CYP7B1: variants seen among roughly 807,000 people sequenced by gnomAD.
CYP7B1 encodes the protein cytochrome P450 family 7 subfamily B member 1, also known as cytochrome P450 7B1.
Under a neutral mutation model 42.7 loss-of-function variants are expected in CYP7B1, and 29 were observed. The ratio of observed to expected loss-of-function variants is 0.68; its 90% CI spans 0.51 to 0.93. The LOEUF (loss-of-function observed/expected upper bound fraction) is 0.93, where lower values mean the gene tolerates loss of function less well. CYP7B1 is among the 40% of genes least tolerant of loss of function. The pLI is 0.00. For synonymous variants in CYP7B1, 235 were observed against 218.2 expected (o/e 1.08, Z -0.68); for missense variants, 655 against 600.5 (o/e 1.09, Z -0.95).
chr8:64,733,531 A>C (rs1807444309), intron 1 of CYP7B1, among the ~76,000 whole-genome samples: 2 of 152,180 alleles, frequency 1.3e-5, no homozygotes, highest in Non-Finnish European at 2.9e-5. Flanking sequence ...TCAGTTCCAC[A>C]TGCACAGGAC....
chr8:64,729,527 A>G (rs187455947), intron 1 of CYP7B1, among the ~76,000 whole-genome samples: 3 of 152,222 alleles, frequency 2.0e-5, no homozygotes, highest in Non-Finnish European at 2.9e-5. Flanking sequence ...AGGCGTTAAA[A>G]ACTCTTATGT....
rs953431143 is a variant in CYP7B1 at position 64,615,865 on chromosome 8, A to T, written c.676T>A (p.Leu226Ile). The change falls in exon 3 of 6, where the codon TTA becomes ATA. Residue 226 changes from leucine to isoleucine, a missense_variant. Coordinates refer to ENST00000310193, the MANE Select transcript of CYP7B1 (RefSeq NM_004820.5). ...AGCTCAATGGGTATGTTGGATACTAAATATGCAAACTTGTCATCAAATTTT... is the reference window on the plus strand; with the variant it reads ...AGCTCAATGGGTATGTTGGATACTATATATGCAAACTTGTCATCAAATTTT... The part of the protein sequence containing the change: ...FLKFDDKFAY[L>I]VSNIPIELLG... 1.2e-6 allele frequency: 2 copies of T among 1,613,740 alleles called. No homozygotes were observed. Among genetic ancestry groups the T allele is most frequent in the Non-Finnish European group, 8.5e-7 (1 of 1,179,772 alleles).
chr8:64,655,803 A>G (rs1414318918), intron 1 of CYP7B1, among the ~76,000 whole-genome samples: 1 of 152,258 alleles, frequency 6.6e-6, no homozygotes, highest in Non-Finnish European at 1.5e-5. Flanking sequence ...TGTGATACAT[A>G]TATACCATGG....
At chr8:64,763,722 A>C (rs895085930) in intron 1 of CYP7B1, among the ~76,000 whole-genome samples, 3 of 152,168 alleles carry the variant, frequency 2.0e-5, no homozygotes, top group Non-Finnish European at 2.9e-5. Flanking sequence ...TTTCCTGGGG[A>C]AGCCGAGGCC....
chr8:64,738,743 G>A (rs758393410), intron 1 of CYP7B1, among the ~76,000 whole-genome samples: 1 of 152,148 alleles, frequency 6.6e-6, no homozygotes, highest in African/African-American at 2.4e-5. Context: ...AGCTTGCAGG[G>A]CAAACTGCCA....
chr8:64,616,634 A>C (rs1805453682), intron 2 of CYP7B1, among the ~76,000 whole-genome samples: 1 of 152,212 alleles, frequency 6.6e-6, no homozygotes, highest in Admixed American at 6.6e-5. Flanking sequence ...CCCTCAATAA[A>C]GCAGAAAACA....
At chr8:64,763,290 T>G (rs1041192591) in intron 1 of CYP7B1, among the ~76,000 whole-genome samples, 2 of 152,314 alleles carry the variant, frequency 1.3e-5, no homozygotes, top group Admixed American at 6.5e-5. Context: ...TTCTCTTCTG[T>G]GACCCACAGC....
chr8:64,681,314 C>T (rs1174773273), intron 1 of CYP7B1, among the ~76,000 whole-genome samples: 2 of 152,070 alleles, frequency 1.3e-5, no homozygotes. Flanking sequence ...TGTCTTCCAC[C>T]AACTATTCAC....
intron 5 of CYP7B1, among the ~76,000 whole-genome samples, chr8:64,598,677 G>A (rs1563537596): frequency 6.6e-6 from 1 of 152,076 alleles, no homozygotes; most frequent in African/African-American, 2.4e-5. Flanking sequence ...AGAGGCCCAC[G>A]GCAAACACGT....
At chr8:64,706,517 T>C (rs1807001848) in intron 1 of CYP7B1, among the ~76,000 whole-genome samples, 1 of 151,974 alleles carries the variant, frequency 6.6e-6, no homozygotes, top group African/African-American at 2.4e-5. Flanking sequence ...ATTATAAAAG[T>C]TCTCTACATT....
At chr8:64,783,594 A>G (rs977506881) in intron 1 of CYP7B1, among the ~76,000 whole-genome samples, 11 of 149,782 alleles carry the variant, frequency 7.3e-5, no homozygotes, top group Admixed American at 4.7e-4. Context: ...GTTTCTGGTT[A>G]GTGCCAAGGA....
chr8:64,635,744 T>C (rs1409573146), intron 1 of CYP7B1, among the ~76,000 whole-genome samples: 2 of 152,158 alleles, frequency 1.3e-5, no homozygotes, highest in Non-Finnish European at 2.9e-5. Flanking sequence ...ATGAAATGTA[T>C]TTTCACCCTC....
chr8:64,632,898 A>T (rs1321445695), intron 1 of CYP7B1, among the ~76,000 whole-genome samples: 2 of 152,148 alleles, frequency 1.3e-5, no homozygotes, highest in African/African-American at 4.8e-5. Flanking sequence ...AAAGAAAGGA[A>T]GATGAAAAGA....
At chr8:64,684,638 CAA>C (rs977912170) in intron 1 of CYP7B1, among the ~76,000 whole-genome samples, 1 of 152,182 alleles carries the variant, frequency 6.6e-6, no homozygotes, top group African/African-American at 2.4e-5. Flanking sequence ...TGATGTCACT[CAA>C]ATGAACCTAC....
chr8:64,739,151 G>A (rs1214451897), intron 1 of CYP7B1, among the ~76,000 whole-genome samples: 1 of 152,164 alleles, frequency 6.6e-6, no homozygotes, highest in Non-Finnish European at 1.5e-5. Flanking sequence ...TCTCCTAGTG[G>A]ACTTTCTCTA....
intron 1 of CYP7B1, among the ~76,000 whole-genome samples, chr8:64,629,266 C>A (rs1293910602): frequency 6.7e-6 from 1 of 149,646 alleles, no homozygotes; most frequent in Non-Finnish European, 1.5e-5. Context: ...CTTCTTACAG[C>A]AATCTATACT....
At chr8:64,756,244 A>G (rs1160482984) in intron 1 of CYP7B1, among the ~76,000 whole-genome samples, 1 of 152,178 alleles carries the variant, frequency 6.6e-6, no homozygotes, top group African/African-American at 2.4e-5. Flanking sequence ...TTTATGTCCA[A>G]TGAGATGATT....
chr8:64,727,717 GT>G (rs956580730), intron 1 of CYP7B1, among the ~76,000 whole-genome samples: 76 of 152,168 alleles, frequency 5.0e-4, no homozygotes, highest in African/African-American at 1.7e-3. Context: ...ACAATCTAAA[GT>G]TTTTTTAGAC....
intron 2 of CYP7B1, among the ~76,000 whole-genome samples, chr8:64,618,769 TTA>T (rs1805486149): frequency 6.6e-6 from 1 of 152,166 alleles, no homozygotes; most frequent in South Asian, 2.1e-4. Flanking sequence ...TAAATTGTTT[TTA>T]AAAATATAAG....
Sources: gnomAD v4.1 joint callset for allele counts (sites outside exome capture counted in the v4.1 genomes callset) on GRCh38, gnomAD v4.1.1 for gene constraint, MANE v1.5 for transcripts, NCBI Gene and HGNC (gene_info 2026-07-23, HGNC 2026-07-21) for gene names.